Variants in FIGN observed in about 807,000 individuals in gnomAD.
FIGN encodes the protein fidgetin.
Under a neutral mutation model 51.3 loss-of-function variants are expected in FIGN, and 11 were observed. The observed-to-expected ratio is 0.21, with a 90% CI of 0.13 to 0.35. The LOEUF (loss-of-function observed/expected upper bound fraction) is 0.35. Ranked by LOEUF, FIGN falls within the 10% of genes least tolerant of loss-of-function variation. The pLI is 1.00. For synonymous variants in FIGN, 407 were observed against 363.2 expected (o/e 1.12, Z -1.37); for missense variants, 857 against 943.6 (o/e 0.91, Z 1.20).
intron 2 of FIGN, among the ~76,000 whole-genome samples, chr2:163,718,842 A>AGC (rs1464596715): frequency 1.3e-5 from 2 of 149,686 alleles, no homozygotes; most frequent in Admixed American, 6.7e-5. Flanking sequence ...AGAGAGAGTG[A>AGC]GAGAGAGAGA....
chr2:163,634,244 A>G (rs890980735), intron 2 of FIGN, among the ~76,000 whole-genome samples: 8 of 152,142 alleles, frequency 5.3e-5, no homozygotes, highest in African/African-American at 1.9e-4. Flanking sequence ...ATCTATTATT[A>G]TATAGCTATG....
intron 2 of FIGN, among the ~76,000 whole-genome samples, chr2:163,728,700 AT>A (rs1684880130): frequency 6.6e-6 from 1 of 152,174 alleles, no homozygotes; most frequent in African/African-American, 2.4e-5. Flanking sequence ...GTGGCCCCAG[AT>A]AAAAGTCTGT....
chr2:163,645,342 C>T (rs1425601274), intron 2 of FIGN, among the ~76,000 whole-genome samples: 2 of 151,814 alleles, frequency 1.3e-5, no homozygotes, highest in African/African-American at 4.8e-5. Context: ...GCATTGCAAC[C>T]AAAAAAACCT....
chr2:163,621,929 G>C (rs1682979604), intron 2 of FIGN, among the ~76,000 whole-genome samples: 1 of 152,088 alleles, frequency 6.6e-6, no homozygotes, highest in Non-Finnish European at 1.5e-5. Flanking sequence ...ATTGTTTCTT[G>C]AGATCCCATC....
At chr2:163,646,084 G>T (rs910590422) in intron 2 of FIGN, among the ~76,000 whole-genome samples, 4 of 151,962 alleles carry the variant, frequency 2.6e-5, no homozygotes, top group Non-Finnish European at 5.9e-5. Flanking sequence ...GATGCCTTTT[G>T]GTAAATGAAT....
chr2:163,711,791 C>T (rs13001293), intron 2 of FIGN, among the ~76,000 whole-genome samples: 5,004 of 152,070 alleles, frequency 0.033, 118 homozygotes, highest in Middle Eastern at 0.068. Flanking sequence ...CAATCTGTTA[C>T]GGAAAACTGA....
intron 2 of FIGN, among the ~76,000 whole-genome samples, chr2:163,629,357 T>C (rs1683108015): frequency 6.6e-6 from 1 of 152,114 alleles, no homozygotes; most frequent in African/African-American, 2.4e-5. Flanking sequence ...AGAGCTGATT[T>C]GTGGGAGAGC....
chr2:163,691,434 C>T (rs1684238077), intron 2 of FIGN, among the ~76,000 whole-genome samples: 1 of 152,148 alleles, frequency 6.6e-6, no homozygotes, highest in African/African-American at 2.4e-5. Context: ...TCCTCCTTCA[C>T]TCATTTTTAA....
chr2:163,639,349 T>C (rs759338615), intron 2 of FIGN, among the ~76,000 whole-genome samples: 29 of 152,190 alleles, frequency 1.9e-4, no homozygotes, highest in Non-Finnish European at 3.7e-4. Flanking sequence ...ATTTTTCAAG[T>C]AAGATCACTT....
At chr2:163,665,409 C>T (rs1297509769) in intron 2 of FIGN, among the ~76,000 whole-genome samples, 2 of 152,308 alleles carry the variant, frequency 1.3e-5, no homozygotes, top group East Asian at 3.9e-4. Context: ...TGGATTATTC[C>T]TATTTTACTG....
intron 2 of FIGN, among the ~76,000 whole-genome samples, chr2:163,629,751 G>A (rs527941033): frequency 2.6e-5 from 4 of 152,082 alleles, no homozygotes; most frequent in East Asian, 1.9e-4. Context: ...AATATTTACC[G>A]TCTATCCCTT....
chr2:163,686,479 T>C (rs62169900), intron 2 of FIGN, among the ~76,000 whole-genome samples: 29,524 of 152,004 alleles, frequency 0.19, 3,171 homozygotes, highest in East Asian at 0.39. Context: ...TGCAACAACA[T>C]ACCTGAAGTT....
chr2:163,698,048 A>C (rs1285642173), intron 2 of FIGN, among the ~76,000 whole-genome samples: 2 of 152,162 alleles, frequency 1.3e-5, no homozygotes, highest in Admixed American at 1.3e-4. Context: ...CTCAGAGAGC[A>C]TGAGCTTTGG....
chr2:163,713,360 A>G (rs1684617669), intron 2 of FIGN, among the ~76,000 whole-genome samples: 1 of 152,182 alleles, frequency 6.6e-6, no homozygotes, highest in South Asian at 2.1e-4. Context: ...GAGTCTTCAG[A>G]AAGGTGCTGT....
intron 2 of FIGN, among the ~76,000 whole-genome samples, chr2:163,675,575 C>T (rs997317145): frequency 1.1e-4 from 17 of 152,258 alleles, no homozygotes; most frequent in African/African-American, 3.8e-4. Context: ...GCTTGAGAAT[C>T]GCTGACCCAG....
rs138074416 is a variant in FIGN, at chr2:163,669,015, A to AATATATATATATATATATAT, written c.26-57229_26-57210dup. On this transcript the variant is annotated intron_variant, in intron 2 of 2. Transcript: ENST00000333129. Reference sequence around the variant, plus strand: ...TCTTAGCATAATTAAGAAAAAAAGGAATATATATATATATATATATACACT... The same window carrying AATATATATATATATATATAT: ...TCTTAGCATAATTAAGAAAAAAAGGAATATATATATATATATATATATATATATATATATATATATACACT... Among the ~76,000 whole-genome samples the AATATATATATATATATATAT allele has an allele frequency of 5.6e-3, 771 of 138,246 alleles. 5 individuals carry two copies. The highest frequency in any genetic ancestry group is 0.015 in the African/African-American group (526 of 35,242). 90.7% of individuals were successfully genotyped at this position (138,246 alleles called of 152,430 possible). A position where few individuals can be genotyped will look rare whatever the true frequency, so the allele number is the denominator to read the frequency against.
At chr2:163,656,929 A>C (rs1683568155) in intron 2 of FIGN, among the ~76,000 whole-genome samples, 1 of 152,198 alleles carries the variant, frequency 6.6e-6, no homozygotes, top group East Asian at 1.9e-4. Flanking sequence ...TGGCTACTAC[A>C]GATACTTTTA....
Position 163,610,928 on chromosome 2 carries a change from G to A in FIGN, c.904C>T (p.Pro302Ser), listed in dbSNP as rs199810876. The A allele has an allele frequency of 1.7e-4, 267 of 1,613,688 alleles. No homozygotes were observed. The highest frequency in any genetic ancestry group is 2.0e-4 in the Non-Finnish European group (239 of 1,179,986). ...TTTGTCAGAGCCGACGGTGCAATAG[G>A]TGTCAAACCATGGCCCTGGTAGGTG... ...GYTYQGHGLTPIAPSALTNSS... is the reference protein window; with the variant it reads ...GYTYQGHGLTSIAPSALTNSS... The change falls in exon 3 of 3, where the codon CCT becomes TCT. Residue 302 changes from proline to serine, a missense_variant. Around this residue, in one of 3 missense-constraint regions of FIGN, gnomAD observed 799 missense variants for 849.5 expected, o/e 0.94. Coordinates refer to ENST00000333129, the MANE Select transcript of FIGN (RefSeq NM_018086.4).
intron 2 of FIGN, among the ~76,000 whole-genome samples, chr2:163,612,047 T>C (rs1691275817): frequency 1.3e-5 from 2 of 152,244 alleles, no homozygotes; most frequent in African/African-American, 2.4e-5. Context: ...TAGTTACCTA[T>C]ATTTTTTGCA....
Sources: gnomAD v4.1 joint callset for allele counts (sites outside exome capture counted in the v4.1 genomes callset) on GRCh38, gnomAD v4.1.1 for gene constraint, gnomAD v4.1.1 regional missense constraint, MANE v1.5 for transcripts, NCBI Gene and HGNC (gene_info 2026-07-23, HGNC 2026-07-21) for gene names.